KCNK2: variants seen among roughly 807,000 people sequenced by gnomAD.
KCNK2 encodes potassium two pore domain channel subfamily K member 2, also known as potassium channel subfamily K member 2.
KCNK2 carries 21 observed loss-of-function variants against 40.5 expected under a neutral mutation model. The ratio of observed to expected loss-of-function variants is 0.52; its 90% CI spans 0.37 to 0.75. The LOEUF (loss-of-function observed/expected upper bound fraction) is 0.75. Among genes scored for constraint, KCNK2 ranks in the 30% least tolerant of loss-of-function variants. KCNK2 has a pLI of 0.00. For missense variants in KCNK2, 399 were observed against 531.6 expected (o/e 0.75, Z 2.45); for synonymous variants, 191 against 202.2 (o/e 0.94, Z 0.47).
intron 1 of KCNK2, among the ~76,000 whole-genome samples, chr1:215,029,840 T>G (rs1433865658): frequency 6.6e-6 from 1 of 152,084 alleles, no homozygotes; most frequent in Non-Finnish European, 1.5e-5. Context: ...CTTTGTTGCT[T>G]GCAAGTTTTG....
At chr1:215,209,165 G>A (rs1337976261) in intron 6 of KCNK2, among the ~76,000 whole-genome samples, 1 of 138,474 alleles carries the variant, frequency 7.2e-6, no homozygotes, top group Admixed American at 7.9e-5. Context: ...TTTTAGTGAG[G>A]GCATTTTTTA....
chr1:215,097,211 A>G (rs1327519146), intron 2 of KCNK2, among the ~76,000 whole-genome samples: 4 of 152,060 alleles, frequency 2.6e-5, no homozygotes, highest in Admixed American at 2.6e-4. Flanking sequence ...TGATTGTGGT[A>G]AAAATAATGC....
chr1:215,071,703 T>A (rs1406776400), intron 1 of KCNK2, among the ~76,000 whole-genome samples: 1 of 152,162 alleles, frequency 6.6e-6, no homozygotes, highest in African/African-American at 2.4e-5. Context: ...AGGCATAAAT[T>A]GCATCATCAA....
chr1:215,012,136 T>G (rs1656421094), intron 1 of KCNK2, among the ~76,000 whole-genome samples: 1 of 152,210 alleles, frequency 6.6e-6, no homozygotes, highest in Non-Finnish European at 1.5e-5. Context: ...TTTTTTTGTA[T>G]AAATGCAAGT....
intron 5 of KCNK2, among the ~76,000 whole-genome samples, chr1:215,187,189 T>C (rs142358429): frequency 6.6e-6 from 1 of 152,226 alleles, no homozygotes; most frequent in African/African-American, 2.4e-5. Context: ...ATGCTGGTCT[T>C]GAACTCCTGG....
intron 5 of KCNK2, among the ~76,000 whole-genome samples, chr1:215,175,523 T>C (rs911841199): frequency 1.3e-5 from 2 of 152,110 alleles, no homozygotes; most frequent in African/African-American, 4.8e-5. Flanking sequence ...TTAGATATGG[T>C]GGTGTATGTG....
chr1:215,082,305 A>G (rs2102524300), upstream of KCNK2, among the ~76,000 whole-genome samples: 1 of 152,136 alleles, frequency 6.6e-6, no homozygotes, highest in Non-Finnish European at 1.5e-5. Context: ...CCCCTACTCC[A>G]GGGCTCTCAA....
At chr1:215,230,552 T>TAAAA (rs1666612213) in intron 6 of KCNK2, among the ~76,000 whole-genome samples, 1 of 104,024 alleles carries the variant, frequency 9.6e-6, no homozygotes, top group African/African-American at 4.2e-5. Context: ...TACACACACA[T>TAAAA]AACAGCCATA....
intron 6 of KCNK2, among the ~76,000 whole-genome samples, chr1:215,233,465 CACACACACACGT>C (rs1381805760): frequency 1.3e-5 from 2 of 151,858 alleles, no homozygotes; most frequent in East Asian, 1.9e-4. Flanking sequence ...CACACACACA[CACACACACACGT>C]ACACACACAC....
intron 1 of KCNK2, among the ~76,000 whole-genome samples, chr1:215,031,551 G>A (rs939952574): frequency 6.6e-6 from 1 of 152,146 alleles, no homozygotes; most frequent in African/African-American, 2.4e-5. Flanking sequence ...AAAGTTTTGA[G>A]CACCAACAAG....
At chr1:215,062,046 T>C (rs560601536) in intron 1 of KCNK2, among the ~76,000 whole-genome samples, 1 of 152,302 alleles carries the variant, frequency 6.6e-6, no homozygotes, top group Admixed American at 6.5e-5. Context: ...AATATAATAA[T>C]AGATGCTAAC....
At chr1:215,092,747 C>G (rs1224674129) in intron 2 of KCNK2, among the ~76,000 whole-genome samples, 2 of 152,186 alleles carry the variant, frequency 1.3e-5, no homozygotes, top group Non-Finnish European at 2.9e-5. Flanking sequence ...AGCGACATAG[C>G]TCCCCAGAGT....
chr1:215,039,374 T>C (rs1657489477), intron 1 of KCNK2, among the ~76,000 whole-genome samples: 1 of 152,172 alleles, frequency 6.6e-6, no homozygotes, highest in African/African-American at 2.4e-5. Flanking sequence ...CACTGAGTTA[T>C]ATAATAATTT....
chr1:215,038,708 T>C (rs1221589728), intron 1 of KCNK2, among the ~76,000 whole-genome samples: 3 of 152,118 alleles, frequency 2.0e-5, no homozygotes, highest in Admixed American at 2.0e-4. Context: ...TTTAAAGAAA[T>C]GTTCTTCATT....
chr1:215,158,733 C>T (rs1473162723), intron 3 of KCNK2, among the ~76,000 whole-genome samples: 2 of 151,908 alleles, frequency 1.3e-5, no homozygotes, highest in South Asian at 2.1e-4. Flanking sequence ...AACAAACAAA[C>T]AAAAAAGAAT....
At chr1:215,200,922 G>A (rs890087692) in intron 6 of KCNK2, among the ~76,000 whole-genome samples, 3 of 152,172 alleles carry the variant, frequency 2.0e-5, no homozygotes, top group East Asian at 1.9e-4. Flanking sequence ...AGACGTAGCC[G>A]ATATCCAGGT....
chr1:215,012,794 G>A (rs1011150341), intron 1 of KCNK2, among the ~76,000 whole-genome samples: 2 of 151,534 alleles, frequency 1.3e-5, no homozygotes, highest in Non-Finnish European at 2.9e-5. Context: ...CCCTTTATTA[G>A]ACTTGTGATT....
intron 2 of KCNK2, among the ~76,000 whole-genome samples, chr1:215,120,118 A>C (rs535234832): frequency 1.1e-4 from 17 of 152,174 alleles, no homozygotes; most frequent in Non-Finnish European, 2.5e-4. Flanking sequence ...TGTGATAATG[A>C]TTTACAACCC....
chr1:215,006,028 A>C, intron 1 of KCNK2: 4 of 1,274,178 alleles, frequency 3.1e-6, no homozygotes, highest in Non-Finnish European at 4.6e-6. Flanking sequence ...TAGATTTCCA[A>C]GCAAGTATTT....
Sources: gnomAD v4.1 joint callset for allele counts (sites outside exome capture counted in the v4.1 genomes callset) on GRCh38, gnomAD v4.1.1 for gene constraint, MANE v1.5 for transcripts, NCBI Gene and HGNC (gene_info 2026-07-23, HGNC 2026-07-21) for gene names.